The following DNAL1 variants were observed in gnomAD, a reference collection of about 807,000 sequenced individuals.
The protein encoded by DNAL1 is dynein axonemal light chain 1, also known as chromosome 14 open reading frame 168.
In DNAL1, 17 loss-of-function variants were observed where a neutral mutation model predicts 29.4. The ratio of observed to expected loss-of-function variants is 0.58; its 90% CI spans 0.40 to 0.87. The LOEUF (loss-of-function observed/expected upper bound fraction) is 0.87. Among genes scored for constraint, DNAL1 ranks in the 40% least tolerant of loss-of-function variants. The pLI is 0.00. For missense variants in DNAL1, 188 were observed against 214.1 expected (o/e 0.88, Z 0.76); for synonymous variants, 78 against 76.3 (o/e 1.02, Z -0.12).
chr14:73,676,551 C>T (rs189200402), intron 5 of DNAL1, among the ~76,000 whole-genome samples: 2 of 152,214 alleles, frequency 1.3e-5, no homozygotes, highest in East Asian at 3.9e-4. Context: ...CCTTCAATGT[C>T]AATACATGCA....
intron 1 of DNAL1, 141 bp from the exon 2 acceptor site, chr14:73,654,706 C>T (rs955341059): frequency 1.6e-5 from 11 of 671,144 alleles, no homozygotes; most frequent in Admixed American, 1.1e-4. Flanking sequence ...TTGTGGTGAG[C>T]GGAAATCATG....
chr14:73,663,202 ATTTTTTTTTT>A (rs58367000), intron 4 of DNAL1, among the ~76,000 whole-genome samples: 1 of 125,158 alleles, frequency 8.0e-6, no homozygotes, highest in African/African-American at 3.1e-5. Context: ...GGTCCCAGTA[ATTTTTTTTTT>A]TTTTTTTTTT....
At chr14:73,682,047 G>C (rs1023773409) in intron 5 of DNAL1, among the ~76,000 whole-genome samples, 3 of 151,874 alleles carry the variant, frequency 2.0e-5, no homozygotes, top group African/African-American at 7.3e-5. Context: ...GGGAGGCAGA[G>C]GTTGCAGTGA....
intron 2 of DNAL1, among the ~76,000 whole-genome samples, chr14:73,656,204 C>T (rs1296660221): frequency 6.6e-6 from 1 of 151,914 alleles, no homozygotes; most frequent in Non-Finnish European, 1.5e-5. Flanking sequence ...TGTTTTAGTG[C>T]TTATAAATTT....
intron 4 of DNAL1, among the ~76,000 whole-genome samples, chr14:73,670,522 A>G (rs1891593707): frequency 1.3e-5 from 2 of 152,094 alleles, no homozygotes; most frequent in Non-Finnish European, 2.9e-5. Context: ...TTTATTTTTA[A>G]TTTGGAAAAA....
chr14:73,650,497 T>C (rs1418710989), intron 1 of DNAL1, among the ~76,000 whole-genome samples: 1 of 152,226 alleles, frequency 6.6e-6, no homozygotes, highest in Non-Finnish European at 1.5e-5. Context: ...TTCATTGATA[T>C]ACCTAAACAC....
At chr14:73,672,370 C>T (rs553459113) in intron 5 of DNAL1, among the ~76,000 whole-genome samples, 2 of 152,206 alleles carry the variant, frequency 1.3e-5, no homozygotes, top group South Asian at 4.1e-4. Context: ...CTTTGGGAGG[C>T]CGAGGCAGGC....
rs1892290689 is a variant in DNAL1 at position 73,695,931 on chromosome 14, G to A, written c.562G>A (p.Glu188Lys). ...GTPVIKGDEE[E>K]DN ...TCCAGTAATTAAAGGGGATGAGGAA[G>A]AAGACAACTAATGCCACGCTTTCCA... The change falls in exon 8 of 8, where the codon GAA becomes AAA. Residue 188 changes from glutamate (E) to lysine (K), a missense_variant. Transcript: ENST00000553645. 2 of 1,590,166 alleles carry A rather than the reference G, an allele frequency of 1.3e-6. No individual in the cohort carries two copies. The highest frequency in any genetic ancestry group is 1.7e-6 in the Non-Finnish European group (2 of 1,166,886).
chr14:73,687,157 G>T, intron 5 of DNAL1, 102 bp from the exon 6 acceptor site: 3 of 1,414,456 alleles, frequency 2.1e-6, no homozygotes, highest in Non-Finnish European at 2.9e-6. Flanking sequence ...AGACAGGCAG[G>T]GTCTAAGTTC....
intron 4 of DNAL1, 54 bp from the exon 5 acceptor site, chr14:73,671,488 A>G: frequency 4.4e-6 from 6 of 1,365,294 alleles, no homozygotes; most frequent in East Asian, 2.8e-5. Context: ...TAGATTTACA[A>G]CAATTGTGTA....
intron 5 of DNAL1, among the ~76,000 whole-genome samples, chr14:73,673,459 T>C (rs968767985): frequency 2.0e-5 from 3 of 152,252 alleles, no homozygotes; most frequent in Non-Finnish European, 4.4e-5. Flanking sequence ...TGTATTAAGA[T>C]GCTATCTGGC....
At chr14:73,679,813 TAA>T (rs900043496) in intron 5 of DNAL1, among the ~76,000 whole-genome samples, 3 of 152,008 alleles carry the variant, frequency 2.0e-5, no homozygotes, top group Non-Finnish European at 4.4e-5. Context: ...TTAAAAATTT[TAA>T]GTCTATACTC....
intron 4 of DNAL1, among the ~76,000 whole-genome samples, chr14:73,669,289 T>A (rs1249081022): frequency 6.6e-6 from 1 of 152,054 alleles, no homozygotes; most frequent in Admixed American, 6.6e-5. Context: ...CAGCTAAACT[T>A]TTTTTTGAGA....
intron 3 of DNAL1, among the ~76,000 whole-genome samples, chr14:73,660,584 T>G (rs1891318896): frequency 6.6e-6 from 1 of 152,178 alleles, no homozygotes; most frequent in East Asian, 1.9e-4. Context: ...ACTTGGGTAA[T>G]TCTAGGACAC....
intron 5 of DNAL1, chr14:73,673,024 C>G (rs1891653101): frequency 6.6e-6 from 1 of 152,062 alleles, no homozygotes; most frequent in Non-Finnish European, 1.5e-5. Context: ...TCCCAAAGTG[C>G]TGGGATTACA....
intron 3 of DNAL1, 67 bp downstream of exon 3, chr14:73,659,023 G>T: frequency 8.9e-7 from 1 of 1,124,514 alleles, no homozygotes; most frequent in East Asian, 2.7e-5. Context: ...AACACACAAA[G>T]TAGGAAAATA....
chr14:73,671,770 C>T (rs1399346517), intron 5 of DNAL1, among the ~76,000 whole-genome samples, 173 bp downstream of exon 5: 1 of 152,182 alleles, frequency 6.6e-6, no homozygotes, highest in Non-Finnish European at 1.5e-5. Flanking sequence ...AACCTGTACT[C>T]CCACCAGTAA....
chr14:73,648,771 A>G (rs1040214623), intron 1 of DNAL1, among the ~76,000 whole-genome samples: 1 of 151,338 alleles, frequency 6.6e-6, no homozygotes, highest in African/African-American at 2.4e-5. Context: ...TTCTGTTCAT[A>G]TTTTTACCAA....
chr14:73,675,670 G>C (rs540000136), intron 5 of DNAL1, among the ~76,000 whole-genome samples: 35 of 151,214 alleles, frequency 2.3e-4, no homozygotes, highest in African/African-American at 8.1e-4. Context: ...TAGACACTCT[G>C]TAAGTGTTTA....
Sources: gnomAD v4.1 joint callset for allele counts (sites outside exome capture counted in the v4.1 genomes callset) on GRCh38, gnomAD v4.1.1 for gene constraint, MANE v1.5 for transcripts, NCBI Gene and HGNC (gene_info 2026-07-23, HGNC 2026-07-21) for gene names.